Variants in UNC13C observed in about 807,000 individuals in gnomAD.
The protein encoded by UNC13C is protein unc-13 homolog C.
In UNC13C, 174 loss-of-function variants were observed where a neutral mutation model predicts 245.4. That is an observed-to-expected ratio of 0.71 (90% confidence interval 0.63 to 0.80). UNC13C has a LOEUF of 0.80. Among genes scored for constraint, UNC13C ranks in the 30% least tolerant of loss-of-function variants. The pLI is 0.00. For synonymous variants in UNC13C, 992 were observed against 895.1 expected (o/e 1.11, Z -1.93); for missense variants, 2,829 against 2,602.9 (o/e 1.09, Z -1.89).
chr15:54,139,222 T>A (rs1333381998), intron 2 of UNC13C, among the ~76,000 whole-genome samples: 1 of 151,250 alleles, frequency 6.6e-6, no homozygotes, highest in South Asian at 2.1e-4. Flanking sequence ...CCTCCCAAAG[T>A]CCTGGGATTA....
intron 14 of UNC13C, among the ~76,000 whole-genome samples, 179 bp downstream of exon 14, chr15:54,322,274 T>G (rs1206593241): frequency 1.3e-5 from 2 of 152,006 alleles, no homozygotes; most frequent in Non-Finnish European, 2.9e-5. Flanking sequence ...ACTTTGACAA[T>G]CAATAAGAAT....
intron 4 of UNC13C, among the ~76,000 whole-genome samples, chr15:54,233,561 T>C (rs969595507): frequency 2.0e-5 from 3 of 152,224 alleles, no homozygotes; most frequent in Middle Eastern, 3.2e-3. Context: ...TACTTTGTTT[T>C]CATTTCTATT....
chr15:54,240,668 A>G lies in UNC13C; in HGVS notation c.3228+2978A>G, dbSNP rs574553872. 3.3e-5 allele frequency among the ~76,000 whole-genome samples: 5 copies of G among 152,202 alleles called. No individual in the cohort carries two copies. The East Asian group carries it at 7.8e-4, about 24-fold the overall frequency. ...ATCCATCACCAACTCCACCTTACCC[A>G]TGAGGCGCTATTAGGACTGATTGAG... On this transcript the variant is annotated intron_variant, in intron 7 of 32. Transcript: ENST00000260323.
At chr15:54,211,952 G>A (rs573824891) in intron 4 of UNC13C, among the ~76,000 whole-genome samples, 7 of 151,954 alleles carry the variant, frequency 4.6e-5, no homozygotes, top group Non-Finnish European at 8.8e-5. Flanking sequence ...AGGAGATTCC[G>A]TTTTGCTGGC....
intron 19 of UNC13C, among the ~76,000 whole-genome samples, chr15:54,429,997 A>G (rs1477326009): frequency 6.6e-6 from 1 of 151,804 alleles, no homozygotes; most frequent in African/African-American, 2.4e-5. Flanking sequence ...TTCCAAAATA[A>G]TATGCCAATT....
the UNC13C span, among the ~76,000 whole-genome samples, chr15:53,899,009 G>T: frequency 1.3e-5 from 2 of 148,832 alleles, no homozygotes; most frequent in Non-Finnish European, 3.0e-5. Context: ...TGAGGGTTTT[G>T]TGCTTATCTC....
intron 19 of UNC13C, among the ~76,000 whole-genome samples, chr15:54,446,688 G>C (rs1464627020): frequency 6.6e-6 from 1 of 152,144 alleles, no homozygotes; most frequent in Non-Finnish European, 1.5e-5. Flanking sequence ...AGGAGATTTT[G>C]GGCTGAGATA....
At chr15:54,038,124 A>AAAAAATTTTTTTTTTTTTTTTT (rs1555406259) in intron 2 of UNC13C, among the ~76,000 whole-genome samples, 1 of 45,040 alleles carries the variant, frequency 2.2e-5, no homozygotes, top group African/African-American at 1.1e-4. Flanking sequence ...ATATATATAT[A>AAAAAATTTTTTTTTTTTTTTTT]TTTTTTTTTT....
chr15:54,404,990 A>G (rs932156458), intron 18 of UNC13C, among the ~76,000 whole-genome samples: 1 of 152,128 alleles, frequency 6.6e-6, no homozygotes, highest in African/African-American at 2.4e-5. Context: ...ACTTTATGTG[A>G]TTATTTTTAT....
the UNC13C span, among the ~76,000 whole-genome samples, chr15:53,907,080 G>T: frequency 6.6e-6 from 1 of 152,154 alleles, no homozygotes; most frequent in Non-Finnish European, 1.5e-5. Context: ...CAACACAGAA[G>T]AGATTGTTTT....
At chr15:53,925,897 T>C in the UNC13C span, among the ~76,000 whole-genome samples, 2 of 152,190 alleles carry the variant, frequency 1.3e-5, no homozygotes, top group Non-Finnish European at 2.9e-5. Flanking sequence ...CTGTAAAATA[T>C]GAAATGAATT....
chr15:54,016,639 C>T (rs1031632227), intron 2 of UNC13C, among the ~76,000 whole-genome samples: 2 of 152,170 alleles, frequency 1.3e-5, no homozygotes, highest in African/African-American at 4.8e-5. Context: ...GTGGGAACAA[C>T]TTTGGATTAT....
intron 30 of UNC13C, among the ~76,000 whole-genome samples, chr15:54,597,939 A>G (rs574654137): frequency 6.6e-6 from 1 of 152,208 alleles, no homozygotes. Flanking sequence ...TTGTCTTAAT[A>G]TTTTATGAGC....
the UNC13C span, among the ~76,000 whole-genome samples, chr15:53,853,225 C>T: frequency 6.6e-6 from 1 of 152,132 alleles, no homozygotes; most frequent in African/African-American, 2.4e-5. Flanking sequence ...CACCATGTGT[C>T]TATGTGTTCT....
At chr15:54,126,139 A>C (rs2031023745) in intron 2 of UNC13C, among the ~76,000 whole-genome samples, 1 of 152,224 alleles carries the variant, frequency 6.6e-6, no homozygotes, top group Non-Finnish European at 1.5e-5. Flanking sequence ...TAACATATCA[A>C]TAATTACATT....
At chr15:53,998,682 C>G (rs972613595) in intron 1 of UNC13C, among the ~76,000 whole-genome samples, 1 of 152,108 alleles carries the variant, frequency 6.6e-6, no homozygotes, top group African/African-American at 2.4e-5. Flanking sequence ...ATATACCAAG[C>G]TTAATCCCTA....
intron 12 of UNC13C, among the ~76,000 whole-genome samples, 182 bp downstream of exon 12, chr15:54,298,108 C>T (rs543699670): frequency 7.2e-5 from 11 of 152,118 alleles, no homozygotes; most frequent in African/African-American, 1.4e-4. Context: ...TTACCCCTGA[C>T]GAACTTGTCA....
chr15:54,361,269 C>T (rs1315108869), intron 17 of UNC13C, among the ~76,000 whole-genome samples: 1 of 151,934 alleles, frequency 6.6e-6, no homozygotes, highest in East Asian at 1.9e-4. Flanking sequence ...TTTTTCAGGT[C>T]AGTTATTGTA....
intron 2 of UNC13C, among the ~76,000 whole-genome samples, chr15:54,060,358 C>T (rs1486329367): frequency 1.3e-5 from 2 of 152,094 alleles, no homozygotes; most frequent in African/African-American, 4.8e-5. Context: ...CCAACAGACA[C>T]ATGAAAAAAT....
Sources: gnomAD v4.1 joint callset for allele counts (sites outside exome capture counted in the v4.1 genomes callset) on GRCh38, gnomAD v4.1.1 for gene constraint, MANE v1.5 for transcripts, NCBI Gene and HGNC (gene_info 2026-07-23, HGNC 2026-07-21) for gene names.